CPA6: variants seen among roughly 807,000 people sequenced by gnomAD.
CPA6 encodes the protein carboxypeptidase A6.
In CPA6, 58 loss-of-function variants were observed where a neutral mutation model predicts 63.3. The ratio of observed to expected loss-of-function variants is 0.92; its 90% confidence interval spans 0.74 to 1.14. The LOEUF (loss-of-function observed/expected upper bound fraction) is 1.14, where lower values mean the gene tolerates loss of function less well. CPA6 is among the 50% of genes most tolerant of loss of function. The pLI is 0.00. For missense variants in CPA6, 565 were observed against 526.6 expected (o/e 1.07, Z -0.71); for synonymous variants, 185 against 179.0 (o/e 1.03, Z -0.27).
chr8:67,621,256 A>G (rs1279337414), intron 2 of CPA6, among the ~76,000 whole-genome samples: 1 of 152,120 alleles, frequency 6.6e-6, no homozygotes, highest in Non-Finnish European at 1.5e-5. Flanking sequence ...TTTGCTTTGT[A>G]TCCTTTTGCT....
At chr8:67,545,956 G>A (rs747929230) in intron 2 of CPA6, among the ~76,000 whole-genome samples, 2 of 152,066 alleles carry the variant, frequency 1.3e-5, no homozygotes, top group Non-Finnish European at 2.9e-5. Flanking sequence ...CAGCACATCT[G>A]AGCTCTCTGG....
chr8:67,700,277 C>T lies in CPA6; in HGVS notation c.116+45737G>A, dbSNP rs1326556096. Among the ~76,000 whole-genome samples the T allele has an allele frequency of 7.2e-5, 11 of 152,308 alleles. No homozygotes were observed. In the East Asian group the frequency reaches 1.9e-3, roughly 27 times the overall value. The stretch of plus-strand genomic sequence containing the variant: ...AATCATGGTTACAAGTTGAATAGCA[C>T]ACATTCTTTCAGTTTTATACATACT... On this transcript the variant is annotated intron_variant, in intron 1 of 10. Coordinates refer to ENST00000297770, the MANE Select transcript of CPA6 (RefSeq NM_020361.5).
chr8:67,506,530 T>G (rs1811929686), intron 6 of CPA6, among the ~76,000 whole-genome samples: 1 of 152,186 alleles, frequency 6.6e-6, no homozygotes, highest in Admixed American at 6.5e-5. Context: ...TGTCACAAAT[T>G]TAAAAAGGTT....
intron 10 of CPA6, among the ~76,000 whole-genome samples, chr8:67,423,357 T>A (rs184381271): frequency 2.0e-4 from 30 of 152,358 alleles, no homozygotes; most frequent in Admixed American, 1.6e-3. Context: ...AGTGCTGGGA[T>A]TACAGGCGTG....
intron 3 of CPA6, among the ~76,000 whole-genome samples, chr8:67,515,145 A>G (rs1237846836): frequency 6.6e-6 from 1 of 152,156 alleles, no homozygotes; most frequent in Admixed American, 6.5e-5. Flanking sequence ...CAGTTTTGAC[A>G]GTACAACAAC....
chr8:67,720,010 G>A (rs1196515942), intron 1 of CPA6, among the ~76,000 whole-genome samples: 1 of 152,132 alleles, frequency 6.6e-6, no homozygotes, highest in African/African-American at 2.4e-5. Context: ...GGCTTTGTGT[G>A]AGCAATAAAG....
chr8:67,520,874 T>C (rs1482492697), intron 2 of CPA6, among the ~76,000 whole-genome samples: 2 of 152,232 alleles, frequency 1.3e-5, no homozygotes, highest in African/African-American at 4.8e-5. Context: ...CTTCCTGACC[T>C]AGTATTTGGG....
intron 2 of CPA6, among the ~76,000 whole-genome samples, chr8:67,613,403 G>C (rs1814860413): frequency 6.6e-6 from 1 of 152,200 alleles, no homozygotes. Context: ...GGGAAACAAA[G>C]ATGAGTCAGA....
At chr8:67,719,634 T>G (rs1021427872) in intron 1 of CPA6, among the ~76,000 whole-genome samples, 3 of 150,282 alleles carry the variant, frequency 2.0e-5, no homozygotes, top group African/African-American at 7.4e-5. Context: ...TTGGAGGGGG[T>G]GAAACTGGAA....
intron 1 of CPA6, among the ~76,000 whole-genome samples, chr8:67,741,857 G>A (rs545484807): frequency 6.6e-6 from 1 of 151,792 alleles, no homozygotes; most frequent in South Asian, 2.1e-4. Context: ...TAAATGTAAT[G>A]CACTTGAATC....
chr8:67,644,843 T>C (rs1815681014), intron 1 of CPA6, among the ~76,000 whole-genome samples: 2 of 152,160 alleles, frequency 1.3e-5, no homozygotes, highest in African/African-American at 2.4e-5. Context: ...ATGTGGAGAC[T>C]TTCCGAGGGG....
At chr8:67,702,597 C>T (rs1413175107) in intron 1 of CPA6, among the ~76,000 whole-genome samples, 2 of 152,038 alleles carry the variant, frequency 1.3e-5, no homozygotes, top group Non-Finnish European at 1.5e-5. Context: ...AGAAGTTGGA[C>T]GAGTGGGCTC....
intron 1 of CPA6, among the ~76,000 whole-genome samples, chr8:67,686,493 C>T (rs1445673307): frequency 6.6e-6 from 1 of 152,188 alleles, no homozygotes; most frequent in East Asian, 1.9e-4. Context: ...CCACATATAA[C>T]TGGGGAGGAG....
chr8:67,667,379 C>A (rs1816253925), intron 1 of CPA6, among the ~76,000 whole-genome samples: 1 of 152,130 alleles, frequency 6.6e-6, no homozygotes, highest in Non-Finnish European at 1.5e-5. Context: ...GCAGGCTGAG[C>A]AGGCCAGTGC....
intron 1 of CPA6, among the ~76,000 whole-genome samples, chr8:67,656,231 C>T (rs919474776): frequency 5.3e-5 from 8 of 152,182 alleles, no homozygotes; most frequent in Non-Finnish European, 1.2e-4. Context: ...TCTCATCAAC[C>T]AAAGTCGCAA....
chr8:67,451,358 A>G (rs912845412), intron 8 of CPA6, among the ~76,000 whole-genome samples: 1 of 152,192 alleles, frequency 6.6e-6, no homozygotes, highest in Non-Finnish European at 1.5e-5. Context: ...TGAACTGCGC[A>G]TGCAGGGGAT....
chr8:67,614,795 G>C (rs947954542), intron 2 of CPA6, among the ~76,000 whole-genome samples: 1 of 152,116 alleles, frequency 6.6e-6, no homozygotes, highest in Admixed American at 6.6e-5. Flanking sequence ...TTTGGAACAT[G>C]AGCTCCCCTT....
At chr8:67,661,075 C>T (rs1816097170) in intron 1 of CPA6, among the ~76,000 whole-genome samples, 1 of 152,182 alleles carries the variant, frequency 6.6e-6, no homozygotes, top group African/African-American at 2.4e-5. Flanking sequence ...GAAATGCTCA[C>T]ACACAATAAG....
intron 2 of CPA6, among the ~76,000 whole-genome samples, chr8:67,547,788 T>C (rs1383184114): frequency 2.6e-5 from 4 of 152,152 alleles, no homozygotes; most frequent in Admixed American, 2.6e-4. Context: ...GTCAACATGC[T>C]TGGCCCCACG....
Sources: gnomAD v4.1 joint callset for allele counts (sites outside exome capture counted in the v4.1 genomes callset) on GRCh38, gnomAD v4.1.1 for gene constraint, MANE v1.5 for transcripts, NCBI Gene and HGNC (gene_info 2026-07-23, HGNC 2026-07-21) for gene names.